The following SKAP1 variants were observed in gnomAD, a reference collection of about 807,000 sequenced individuals.
The protein encoded by SKAP1 is src kinase associated phosphoprotein 1, also known as src kinase-associated phosphoprotein 1.
In SKAP1, 44 loss-of-function variants were observed where a neutral mutation model predicts 58.5. That is an observed-to-expected ratio of 0.75 (90% CI 0.59 to 0.97). The LOEUF (loss-of-function observed/expected upper bound fraction) is 0.97, where lower values mean the gene tolerates loss of function less well. Ranked by LOEUF, SKAP1 falls within the 50% of genes least tolerant of loss-of-function variation. SKAP1 has a pLI of 0.00. For synonymous variants in SKAP1, 127 were observed against 149.7 expected (o/e 0.85, Z 1.11); for missense variants, 390 against 435.2 (o/e 0.90, Z 0.92).
At chr17:48,248,410 T>C (rs1598467958) in intron 4 of SKAP1, among the ~76,000 whole-genome samples, 1 of 151,834 alleles carries the variant, frequency 6.6e-6, no homozygotes, top group Non-Finnish European at 1.5e-5. Context: ...CTACTAAAAA[T>C]ACAAAAAATA....
intron 12 of SKAP1, among the ~76,000 whole-genome samples, chr17:48,135,710 A>G (rs1324310411): frequency 1.3e-5 from 2 of 152,004 alleles, no homozygotes; most frequent in African/African-American, 4.8e-5. Flanking sequence ...ATCTCAAGTG[A>G]TCCTCCTGCC....
chr17:48,275,499 C>T (rs764720662), intron 4 of SKAP1, among the ~76,000 whole-genome samples: 1 of 152,216 alleles, frequency 6.6e-6, no homozygotes, highest in Non-Finnish European at 1.5e-5. Flanking sequence ...TGACCTTTAA[C>T]TCTCAGCTTT....
chr17:48,315,361 T>C (rs1429059750), intron 4 of SKAP1, among the ~76,000 whole-genome samples: 1 of 152,166 alleles, frequency 6.6e-6, no homozygotes, highest in Non-Finnish European at 1.5e-5. Flanking sequence ...GCATGTGTGC[T>C]TCCCTGTGCA....
chr17:48,305,201 A>G (rs2066121652), intron 4 of SKAP1, among the ~76,000 whole-genome samples: 2 of 152,154 alleles, frequency 1.3e-5, no homozygotes, highest in East Asian at 3.8e-4. Flanking sequence ...ACTTTTAAAG[A>G]GACAGGGTCT....
intron 4 of SKAP1, among the ~76,000 whole-genome samples, chr17:48,332,983 G>T (rs998907623): frequency 6.6e-6 from 1 of 152,112 alleles, no homozygotes; most frequent in Non-Finnish European, 1.5e-5. Context: ...AAATCGGACA[G>T]AATTCAATTT....
intron 2 of SKAP1, among the ~76,000 whole-genome samples, chr17:48,379,523 T>C (rs1234605804): frequency 1.3e-5 from 2 of 152,218 alleles, no homozygotes; most frequent in Non-Finnish European, 2.9e-5. Context: ...CTTTCTTCTA[T>C]TTAAGAACTG....
intron 4 of SKAP1, among the ~76,000 whole-genome samples, chr17:48,343,327 C>A (rs1254004428): frequency 6.6e-6 from 1 of 152,090 alleles, no homozygotes; most frequent in Non-Finnish European, 1.5e-5. Flanking sequence ...ACCTTTATAA[C>A]TTTCTCTTTA....
chr17:48,179,084 C>A (rs2064333239), intron 9 of SKAP1, among the ~76,000 whole-genome samples: 1 of 152,210 alleles, frequency 6.6e-6, no homozygotes, highest in African/African-American at 2.4e-5. Context: ...CTTTCAGCAA[C>A]CAGCCCTGTC....
chr17:48,148,551 A>G (rs2063860389), intron 11 of SKAP1, among the ~76,000 whole-genome samples: 1 of 152,182 alleles, frequency 6.6e-6, no homozygotes, highest in South Asian at 2.1e-4. Context: ...CCACAACACA[A>G]TTTGGAAACA....
chr17:48,174,347 G>C (rs999295564), intron 9 of SKAP1, among the ~76,000 whole-genome samples: 8 of 152,196 alleles, frequency 5.3e-5, no homozygotes, highest in African/African-American at 1.7e-4. Flanking sequence ...TGGGGTCTTT[G>C]GAAGACTGGG....
At chr17:48,289,338 T>C (rs2065872571) in intron 4 of SKAP1, among the ~76,000 whole-genome samples, 1 of 152,122 alleles carries the variant, frequency 6.6e-6, no homozygotes, top group African/African-American at 2.4e-5. Context: ...AAAAAATTCC[T>C]GCCTACTTTT....
chr17:48,388,557 C>T (rs2067307032), intron 2 of SKAP1, among the ~76,000 whole-genome samples: 1 of 152,180 alleles, frequency 6.6e-6, no homozygotes, highest in Admixed American at 6.5e-5. Context: ...TGCTGTGATT[C>T]ACATTTTATT....
At chr17:48,315,230 GA>G (rs1213851541) in intron 4 of SKAP1, among the ~76,000 whole-genome samples, 1 of 152,110 alleles carries the variant, frequency 6.6e-6, no homozygotes, top group Non-Finnish European at 1.5e-5. Flanking sequence ...AGAAATGCTG[GA>G]ACATTCAGAA....
At chr17:48,373,861 A>G (rs906833824) in intron 2 of SKAP1, among the ~76,000 whole-genome samples, 2 of 152,250 alleles carry the variant, frequency 1.3e-5, no homozygotes, top group Non-Finnish European at 2.9e-5. Context: ...CTGTGATGTT[A>G]TAACTCTAGA....
intron 4 of SKAP1, among the ~76,000 whole-genome samples, chr17:48,207,485 C>CAAAAA (rs11367185): frequency 1.9e-5 from 2 of 103,788 alleles, no homozygotes; most frequent in Non-Finnish European, 2.0e-5. Context: ...GACTCTGTCT[C>CAAAAA]AAAAAAAAAA....
chr17:48,296,058 T>C (rs1053836108), intron 4 of SKAP1, among the ~76,000 whole-genome samples: 3 of 152,112 alleles, frequency 2.0e-5, no homozygotes, highest in Admixed American at 1.3e-4. Flanking sequence ...ATCCCTACTA[T>C]AGAGACAGAG....
chr17:48,288,507 G>A (rs556637546), intron 4 of SKAP1, among the ~76,000 whole-genome samples: 2 of 152,216 alleles, frequency 1.3e-5, no homozygotes, highest in South Asian at 4.1e-4. Context: ...CCAATATGGT[G>A]AAACCCCGTC....
At chr17:48,236,178 A>G (rs2065178340) in intron 4 of SKAP1, among the ~76,000 whole-genome samples, 1 of 152,240 alleles carries the variant, frequency 6.6e-6, no homozygotes, top group Non-Finnish European at 1.5e-5. Context: ...ATATTCCTTC[A>G]CTTATTCAAT....
At chr17:48,395,512 A>C (rs1393761346) in intron 2 of SKAP1, among the ~76,000 whole-genome samples, 1 of 152,192 alleles carries the variant, frequency 6.6e-6, no homozygotes, top group African/African-American at 2.4e-5. Context: ...ATTAAAAAAA[A>C]CTATAGGTTA....
Sources: allele counts gnomAD v4.1 joint callset (sites outside exome capture counted in the v4.1 genomes callset), GRCh38; gene constraint gnomAD v4.1.1; transcripts MANE v1.5; gene names NCBI Gene and HGNC (gene_info 2026-07-23, HGNC 2026-07-21).